DNAJC13: variants seen among roughly 807,000 people sequenced by gnomAD.
DNAJC13 encodes dnaJ homolog subfamily C member 13.
DNAJC13 carries 75 observed loss-of-function variants against 290.5 expected under a neutral mutation model. The ratio of observed to expected loss-of-function variants is 0.26; its 90% CI spans 0.21 to 0.31. DNAJC13 has a LOEUF of 0.31. Among genes scored for constraint, DNAJC13 ranks in the 10% least tolerant of loss-of-function variants. The pLI is 1.00. For synonymous variants in DNAJC13, 862 were observed against 892.0 expected, an observed-to-expected ratio of 0.97 and a Z score of 0.60; for missense variants, 2,260 against 2,674.5, an observed-to-expected ratio of 0.85 and a Z score of 3.42.
rs202195909 is a variant in DNAJC13, at chr3:132,499,698, A to G, written c.4342-36A>G. 396 of 1,599,346 alleles carry G rather than the reference A, an allele frequency of 2.5e-4. 4 individuals are homozygous for G. Among genetic ancestry groups the G allele is most frequent in the Middle Eastern group, 5.0e-4 (3 of 6,046 alleles). On this transcript the variant is annotated intron_variant, in intron 37 of 55. Transcript: ENST00000260818. ...AAAAGGCCTTTCAGACTTGAAGTCAAAATGGAGAGTTAATAGCTGACTTCT... is the reference window on the plus strand; with the variant it reads ...AAAAGGCCTTTCAGACTTGAAGTCAGAATGGAGAGTTAATAGCTGACTTCT...
intron 1 of DNAJC13, among the ~76,000 whole-genome samples, chr3:132,429,807 A>T (rs1939195134): frequency 6.6e-6 from 1 of 152,154 alleles, no homozygotes; most frequent in African/African-American, 2.4e-5. Flanking sequence ...ACATAAATAT[A>T]ATGTAGTTGA....
intron 20 of DNAJC13, among the ~76,000 whole-genome samples, chr3:132,470,828 G>A (rs1419335176): frequency 1.5e-5 from 2 of 134,512 alleles, no homozygotes; most frequent in Non-Finnish European, 3.2e-5. Flanking sequence ...CAGGGCGGCT[G>A]GCCAGGCGGG....
chr3:132,461,374 C>T (rs1035582145), intron 15 of DNAJC13, among the ~76,000 whole-genome samples, 169 bp downstream of exon 15: 1 of 150,716 alleles, frequency 6.6e-6, no homozygotes, highest in Admixed American at 6.6e-5. Flanking sequence ...ACATAAAATA[C>T]ACTAACACTA....
intron 1 of DNAJC13, among the ~76,000 whole-genome samples, chr3:132,427,458 C>A (rs1466035699): frequency 6.6e-6 from 1 of 151,994 alleles, no homozygotes; most frequent in African/African-American, 2.4e-5. Context: ...TTTTTAAAAA[C>A]GTTTTATGGG....
intron 1 of DNAJC13, among the ~76,000 whole-genome samples, chr3:132,418,871 C>T (rs1414008909): frequency 6.6e-6 from 1 of 152,120 alleles, no homozygotes; most frequent in East Asian, 1.9e-4. Flanking sequence ...TAATATATTA[C>T]CAGTACTTTG....
intron 2 of DNAJC13, among the ~76,000 whole-genome samples, chr3:132,443,439 C>T (rs1397115091): frequency 6.6e-6 from 1 of 152,192 alleles, no homozygotes; most frequent in African/African-American, 2.4e-5. Context: ...AGGTGTGAGT[C>T]ATTGTGCTTT....
intron 55 of DNAJC13, among the ~76,000 whole-genome samples, chr3:132,536,692 G>A (rs888028904): frequency 1.3e-5 from 2 of 152,108 alleles, no homozygotes; most frequent in Non-Finnish European, 1.5e-5. Context: ...GAATATGAGG[G>A]TGGTGGGAAA....
intron 1 of DNAJC13, among the ~76,000 whole-genome samples, chr3:132,421,521 G>C (rs928293704): frequency 6.6e-5 from 10 of 152,020 alleles, no homozygotes; most frequent in African/African-American, 2.4e-4. Flanking sequence ...GCAGTGGCAC[G>C]ATCTTGGCTC....
chr3:132,492,350 T>C (rs1935081293), intron 32 of DNAJC13, 64 bp from the exon 33 acceptor site: 3 of 1,483,046 alleles, frequency 2.0e-6, no homozygotes, highest in Non-Finnish European at 2.8e-6. Flanking sequence ...CATGATTATG[T>C]ATCTCAACCT....
At chr3:132,461,020 T>G (rs1247312443) in intron 14 of DNAJC13, 30 bp from the exon 15 acceptor site, 2 of 1,601,044 alleles carry the variant, frequency 1.2e-6, no homozygotes, top group African/African-American at 2.7e-5. Context: ...ATCTCTTAAG[T>G]CTTTAAGAGA....
intron 55 of DNAJC13, among the ~76,000 whole-genome samples, chr3:132,534,732 TATAAG>T (rs1576529132): frequency 1.3e-5 from 2 of 152,338 alleles, no homozygotes; most frequent in East Asian, 1.9e-4. Context: ...AATTGTAGTA[TATAAG>T]ATGTCAGCCC....
chr3:132,504,745 A>G (rs986612718), intron 41 of DNAJC13, among the ~76,000 whole-genome samples: 1 of 152,362 alleles, frequency 6.6e-6, no homozygotes, highest in African/African-American at 2.4e-5. Flanking sequence ...GGAGAGCTCA[A>G]CAATAGGAAA....
rs758169340 is a variant in DNAJC13 at position 132,511,185 on chromosome 3, G to A, written c.5234G>A (p.Arg1745His). ...GTGGAGTCAGAGCAACATGGAGATC[G>A]CTTACCGAGAGTAGAAATGGCTTTG... Reference protein sequence around the residue: ...AKVESEQHGDRLPRVEMALEA... With the variant: ...AKVESEQHGDHLPRVEMALEA... Residue 1745 changes from arginine (R) to histidine (H), a missense_variant, in exon 44 of 56, where the codon CGC becomes CAC. Transcript: ENST00000260818. 5 of 1,613,910 alleles carry A rather than the reference G, an allele frequency of 3.1e-6. No individual in the cohort carries two copies. The highest frequency in any genetic ancestry group is 1.7e-5 in the Admixed American group (1 of 60,002).
intron 46 of DNAJC13, among the ~76,000 whole-genome samples, chr3:132,515,836 C>T (rs1935904046): frequency 6.6e-6 from 1 of 152,164 alleles, no homozygotes; most frequent in Non-Finnish European, 1.5e-5. Context: ...GCAGCCTCTA[C>T]CTTATTTGCC....
chr3:132,529,969 G>C (rs1054083664), intron 54 of DNAJC13, among the ~76,000 whole-genome samples: 3 of 152,146 alleles, frequency 2.0e-5, no homozygotes, highest in Non-Finnish European at 4.4e-5. Flanking sequence ...TGCAGCAGTT[G>C]TCTTGTCTTT....
chr3:132,460,189 C>A, intron 13 of DNAJC13, 61 bp from the exon 14 acceptor site: 1 of 1,103,068 alleles, frequency 9.1e-7, no homozygotes, highest in South Asian at 1.5e-5. Context: ...ATGACTTTTG[C>A]GTGATGCTAG....
Position 132,474,926 on chromosome 3 carries a change from G to A in DNAJC13, c.2292-6G>A, listed in dbSNP as rs35575948. 16,108 of 1,472,322 alleles carry A rather than the reference G, an allele frequency of 0.011. 106 individuals carry two copies. The highest frequency in any genetic ancestry group is 0.012 in the Non-Finnish European group (13,627 of 1,102,528). The allele number at this position is 1,472,322 out of a possible 1,614,324, so 91.2% of individuals were successfully genotyped here. ...CCTGCTATTTCCTCATTATATGTAT[G>A]TCTAGGTTTGGTCAAGACCATGCCA... On this transcript the variant is annotated splice_polypyrimidine_tract_variant and splice_region_variant and intron_variant, in intron 21 of 55. Transcript: ENST00000260818.
chr3:132,461,808 C>G (rs940146963), intron 15 of DNAJC13, among the ~76,000 whole-genome samples: 1 of 152,146 alleles, frequency 6.6e-6, no homozygotes, highest in Non-Finnish European at 1.5e-5. Context: ...CTTCCCACCT[C>G]AGTTGCTGAG....
At chr3:132,445,031 A>G (rs1933197572) in intron 2 of DNAJC13, among the ~76,000 whole-genome samples, 1 of 152,158 alleles carries the variant, frequency 6.6e-6, no homozygotes, top group African/African-American at 2.4e-5. Flanking sequence ...CATTTTTATA[A>G]TATACTGATT....
Sources: gnomAD v4.1 joint callset for allele counts (sites outside exome capture counted in the v4.1 genomes callset) on GRCh38, gnomAD v4.1.1 for gene constraint, MANE v1.5 for transcripts, NCBI Gene and HGNC (gene_info 2026-07-23, HGNC 2026-07-21) for gene names.